ITIH3: variants seen among roughly 807,000 people sequenced by gnomAD.
ITIH3 encodes the protein inter-alpha-trypsin inhibitor heavy chain 3, also known as inter-alpha-trypsin inhibitor heavy chain H3.
ITIH3 carries 81 observed loss-of-function variants against 96.5 expected under a neutral mutation model. That is an observed-to-expected ratio of 0.84 (90% CI 0.70 to 1.01). The LOEUF is 1.01. ITIH3 is among the 50% of genes least tolerant of loss of function. ITIH3 has a pLI of 0.00. For missense variants in ITIH3, 1,057 were observed against 1,139.3 expected, an observed-to-expected ratio of 0.93 and a Z score of 1.04; for synonymous variants, 422 against 445.2, an observed-to-expected ratio of 0.95 and a Z score of 0.66.
At position 52,799,904 on chromosome 3, in the gene ITIH3, G is replaced by C; in HGVS notation, c.1058G>C (p.Ser353Thr). 3 of 1,613,790 alleles carry C rather than the reference G, an allele frequency of 1.9e-6. No individual in the cohort carries two copies. Among genetic ancestry groups the C allele is most frequent in the Non-Finnish European group, 2.5e-6 (3 of 1,179,780 alleles). ...CAGGAGGCCAGGACGTTTGTGAAGA[G>C]CATGGAGGATAAAGGAAGTAAGAGC... Reference protein sequence around the residue: ...NLQEARTFVKSMEDKGMTNIN... With the variant: ...NLQEARTFVKTMEDKGMTNIN... Residue 353 changes from serine (S) to threonine (T), a missense_variant, in exon 9 of 22, where the codon AGC (serine) becomes ACC (threonine). By Grantham distance (58) the Ser-to-Thr change is moderately conservative (BLOSUM62 1). Coordinates refer to ENST00000449956, the MANE Select transcript of ITIH3 (RefSeq NM_002217.4).
rs567579597 is a variant in ITIH3 at position 52,801,526 on chromosome 3, C to T, written c.1383+380C>T. The stretch of plus-strand genomic sequence containing the variant: ...TTGTCTCCCAGTTCCAGAGCCCGGA[C>T]ATCCCAGATCCATGTGGCGGTGGGT... On this transcript the variant is annotated intron_variant, in intron 11 of 21. Transcript: ENST00000449956. 6.6e-5 allele frequency among the ~76,000 whole-genome samples: 10 copies of T among 152,338 alleles called. 1 individual carries two copies. The highest frequency in any genetic ancestry group is 2.4e-4 in the African/African-American group (10 of 41,578).
In ITIH3 at chr3:52,799,834, T is replaced by A. The variant is rs544210438; in HGVS notation, c.988T>A (p.Ser330Thr). The stretch of plus-strand genomic sequence containing the variant: ...TTTCATCCTGTTCAGTGGAGATGTG[T>A]CCACATGGAAAGAGCACTTAGTCCA... The part of the protein sequence containing the change: ...LNFILFSGDV[S>T]TWKEHLVQAT... Residue 330 changes from serine (S) to threonine (T), a missense_variant, in exon 9 of 22, where the codon TCC (serine) becomes ACC (threonine). Ser to Thr is a moderately conservative substitution (Grantham distance 58). Transcript: ENST00000449956. 7 of 1,613,828 alleles carry A rather than the reference T, an allele frequency of 4.3e-6. No individual in the cohort carries two copies. In the South Asian group the frequency reaches 6.6e-5, roughly 15 times the overall value.
intron 21 of ITIH3, 34 bp from the exon 22 acceptor site, chr3:52,808,518 C>T (rs1700136314): frequency 6.2e-7 from 1 of 1,606,342 alleles, no homozygotes. Flanking sequence ...TCTTACCCAC[C>T]CCGTGTATTG....
chr3:52,799,260 G>T, intron 7 of ITIH3, 112 bp from the exon 8 acceptor site: 2 of 1,148,508 alleles, frequency 1.7e-6, no homozygotes, highest in Non-Finnish European at 2.5e-6. Flanking sequence ...TAGAGGGTGG[G>T]ATAGGAACGT....
intron 6 of ITIH3, chr3:52,798,557 A>C: frequency 5.2e-6 from 1 of 193,774 alleles, no homozygotes; most frequent in Admixed American, 5.4e-5. Flanking sequence ...CAACATTCCA[A>C]ACCTACAAGA....
chr3:52,797,881 C>A lies in ITIH3; in HGVS notation c.614C>A (p.Thr205Asn). 6.2e-7 allele frequency: 1 copy of A among 1,609,678 alleles called. No homozygotes were observed. The highest frequency in any genetic ancestry group is 8.5e-7 in the Non-Finnish European group (1 of 1,178,322). The stretch of plus-strand genomic sequence containing the variant: ...CTGGATGCTGAGGCCTCTTTCATCA[C>A]CAACGACCTCCTGGGAAGCGCCCTC... ...SMLDAEASFITNDLLGSALTK... is the reference protein window; with the variant it reads ...SMLDAEASFINNDLLGSALTK... Residue 205 changes from threonine (T) to asparagine (N), a missense_variant, in exon 6 of 22, where the codon ACC (threonine) becomes AAC (asparagine). By Grantham distance (65) the Thr-to-Asn change is moderately conservative (BLOSUM62 0). Coordinates refer to ENST00000449956, the MANE Select transcript of ITIH3 (RefSeq NM_002217.4).
intron 9 of ITIH3, 92 bp downstream of exon 9, chr3:52,800,013 T>G (rs1029813144): frequency 8.2e-7 from 1 of 1,224,842 alleles, no homozygotes; most frequent in Non-Finnish European, 1.1e-6. Context: ...ACTCTGCTGG[T>G]CTCAGGCCCT....
Position 52,807,936 on chromosome 3 carries a change from C to A in ITIH3, c.2431+20C>A. 1.9e-6 allele frequency: 3 copies of A among 1,608,866 alleles called. No homozygotes were observed. The highest frequency in any genetic ancestry group is 2.5e-6 in the Non-Finnish European group (3 of 1,177,338). On this transcript the variant is annotated intron_variant, in intron 20 of 21. Coordinates refer to ENST00000449956, the MANE Select transcript of ITIH3 (RefSeq NM_002217.4). ...TGCTGGGTACGAAGTGTTCAGACTG[C>A]AGGCTGTTCAGGCCTGAGAGCAGCA...
chr3:52,800,448 G>A, intron 9 of ITIH3, 90 bp from the exon 10 acceptor site: 1 of 1,492,416 alleles, frequency 6.7e-7, no homozygotes, highest in African/African-American at 1.4e-5. Context: ...CATGAGTGGG[G>A]CCGGCTGTCC....
At chr3:52,800,055 T>TGG (rs1559471412) in intron 9 of ITIH3, 134 bp downstream of exon 9, 28 of 771,168 alleles carry the variant, frequency 3.6e-5, no homozygotes, top group Non-Finnish European at 5.5e-5. Context: ...GAGGTGGGAG[T>TGG]GGATGGTCCT....
rs1559473072 is a variant in ITIH3, at chr3:52,803,873, G to A, written c.1728G>A (p.Glu576=). 1 of 1,613,998 alleles carries A rather than the reference G, an allele frequency of 6.2e-7. No individual in the cohort carries two copies. Among genetic ancestry groups the A allele is most frequent in the Admixed American group, 1.7e-5 (1 of 60,018 alleles). Residue 576 remains glutamate, a synonymous_variant, in exon 14 of 22, where the codon GAG becomes GAA. Coordinates refer to ENST00000449956, the MANE Select transcript of ITIH3 (RefSeq NM_002217.4). ...CTCACAGCAAGAACGCCCATGGCGA[G>A]GAGAAGGAGAACCTCACGGCCCGGG... The part of the protein sequence containing the change: ...LLEKRKNAHG[E]EKENLTARAL...
chr3:52,795,665 C>A, intron 2 of ITIH3, 42 bp downstream of exon 2: 1 of 1,593,558 alleles, frequency 6.3e-7, no homozygotes, highest in Non-Finnish European at 8.6e-7. Flanking sequence ...TGGGGCAGGG[C>A]AGGATGGAGC....
At chr3:52,806,172 G>A in intron 17 of ITIH3, 34 bp downstream of exon 17, 1 of 1,601,572 alleles carries the variant, frequency 6.2e-7, no homozygotes, top group Non-Finnish European at 8.5e-7. Context: ...GAAGGCTCAG[G>A]GGCCTGGGCA....
chr3:52,797,356 A>G, intron 5 of ITIH3, 89 bp downstream of exon 5: 1 of 1,360,716 alleles, frequency 7.3e-7, no homozygotes, highest in East Asian at 2.5e-5. Context: ...GTCAAAAACA[A>G]AAGTTCTGCC....
rs888573888 is a variant in ITIH3 at position 52,805,590 on chromosome 3, C to T, written c.1874-218C>T. 10 of 1,371,164 alleles carry T rather than the reference C, an allele frequency of 7.3e-6. No individual in the cohort carries two copies. The African/African-American group carries it at 1.5e-4, about 20-fold the overall frequency. The allele number at this position is 1,371,164 out of a possible 1,614,324, so 84.9% of individuals were successfully genotyped here. ...TTCAGCCACATCAAAAAGCCCTGCGCCAACGTTAAAATCACATCCCATTGC... is the reference window on the plus strand; with the variant it reads ...TTCAGCCACATCAAAAAGCCCTGCGTCAACGTTAAAATCACATCCCATTGC... On this transcript the variant is annotated intron_variant, in intron 15 of 21. Transcript: ENST00000449956.
intron 21 of ITIH3, 67 bp from the exon 22 acceptor site, chr3:52,808,485 C>T: frequency 1.3e-6 from 2 of 1,582,712 alleles, no homozygotes; most frequent in Middle Eastern, 1.8e-4. Context: ...TTTTCAATCT[C>T]AGGTCCGCTA....
intron 13 of ITIH3, among the ~76,000 whole-genome samples, 154 bp downstream of exon 13, chr3:52,802,960 C>G (rs974009278): frequency 1.3e-5 from 2 of 152,242 alleles, no homozygotes; most frequent in Non-Finnish European, 2.9e-5. Flanking sequence ...GGCCGCCACT[C>G]CCCATCCTGT....
At position 52,802,747 on chromosome 3, in the gene ITIH3, C is replaced by T. The variant is rs780479825; in HGVS notation, c.1650C>T (p.Phe550=). 1.3e-5 allele frequency: 21 copies of T among 1,613,842 alleles called. No individual in the cohort carries two copies. The highest frequency in any genetic ancestry group is 1.7e-5 in the Admixed American group (1 of 60,008). Residue 550 remains phenylalanine (F), a synonymous_variant, in exon 13 of 22, where the codon TTC becomes TTT. Transcript: ENST00000449956. ...EKALQERDYI[F]GNYIERLWAY... ...CCCTGCAGGAGCGGGACTACATCTTCGGGAATTACATTGAGCGGCTCTGGG... is the reference window on the plus strand; with the variant it reads ...CCCTGCAGGAGCGGGACTACATCTTTGGGAATTACATTGAGCGGCTCTGGG...
At chr3:52,804,124 C>A in intron 14 of ITIH3, 115 bp downstream of exon 14, 1 of 1,163,724 alleles carries the variant, frequency 8.6e-7, no homozygotes, top group Non-Finnish European at 1.2e-6. Flanking sequence ...TGAAGTAGGG[C>A]ATCTGAAGGA....
Sources: allele counts gnomAD v4.1 joint callset (sites outside exome capture counted in the v4.1 genomes callset), GRCh38; gene constraint gnomAD v4.1.1; transcripts MANE v1.5; gene names NCBI Gene and HGNC (gene_info 2026-07-23, HGNC 2026-07-21).